The following JPH3 variants were observed in gnomAD, a reference collection of about 807,000 sequenced individuals.
JPH3 encodes junctophilin-3.
A neutral mutation model predicts 59.6 loss-of-function variants in JPH3; 11 were observed. That is an observed-to-expected ratio of 0.18 (90% CI 0.12 to 0.31). The LOEUF (loss-of-function observed/expected upper bound fraction) is 0.31, where lower values mean the gene tolerates loss of function less well. Among genes scored for constraint, JPH3 ranks in the 10% least tolerant of loss-of-function variants. JPH3 has a pLI of 1.00. For missense variants in JPH3, 1,202 were observed against 1,105.7 expected (o/e 1.09, Z -1.24); for synonymous variants, 673 against 483.6 (o/e 1.39, Z -5.14).
chr16:87,618,017 G>T (rs1359716136), intron 1 of JPH3, among the ~76,000 whole-genome samples: 1 of 152,016 alleles, frequency 6.6e-6, no homozygotes, highest in African/African-American at 2.4e-5. Flanking sequence ...ACAAAAATTA[G>T]CTGGGGCATG....
chr16:87,681,716 C>T (rs566500272), intron 2 of JPH3, among the ~76,000 whole-genome samples: 4 of 152,214 alleles, frequency 2.6e-5, no homozygotes, highest in African/African-American at 9.6e-5. Context: ...TCCGGAAGGT[C>T]AAGTGCATGT....
chr16:87,658,642 G>A (rs374510698), intron 2 of JPH3, among the ~76,000 whole-genome samples: 4 of 152,124 alleles, frequency 2.6e-5, no homozygotes, highest in Non-Finnish European at 5.9e-5. Flanking sequence ...CCCCAGAGGC[G>A]TCCAGGTGAC....
At chr16:87,646,776 GATTGGTTCATGAGTTC>G (rs1334108257) in intron 2 of JPH3, among the ~76,000 whole-genome samples, 1 of 152,174 alleles carries the variant, frequency 6.6e-6, no homozygotes, top group Non-Finnish European at 1.5e-5. Flanking sequence ...GTGACCTGCA[GATTGGTTCATGAGTTC>G]ATTGGTTCAT....
chr16:87,656,818 G>A (rs1466021296), intron 2 of JPH3, among the ~76,000 whole-genome samples: 1 of 152,176 alleles, frequency 6.6e-6, no homozygotes, highest in Non-Finnish European at 1.5e-5. Context: ...TGGCAGAAAT[G>A]CATTTTCTCC....
intron 2 of JPH3, among the ~76,000 whole-genome samples, chr16:87,679,184 G>A (rs553400674): frequency 2.9e-4 from 44 of 152,200 alleles, no homozygotes; most frequent in Non-Finnish European, 5.3e-4. Context: ...TTAGGAGTCC[G>A]AGAAACTGGA....
intron 1 of JPH3, among the ~76,000 whole-genome samples, chr16:87,627,716 C>G (rs760132244): frequency 2.6e-5 from 4 of 152,230 alleles, no homozygotes; most frequent in African/African-American, 7.2e-5. Context: ...AAGTCAAGGA[C>G]TTCTGTCTGG....
intron 1 of JPH3, among the ~76,000 whole-genome samples, chr16:87,639,635 G>GGCCTCCCGCCTGT (rs2031875739): frequency 7.8e-6 from 1 of 127,800 alleles, no homozygotes; most frequent in Admixed American, 7.7e-5. Flanking sequence ...CTCCCTCCTG[G>GGCCTCCCGCCTGT]CCTCCCGCCT....
chr16:87,674,881 C>G (rs1188840541), intron 2 of JPH3, among the ~76,000 whole-genome samples: 1 of 152,126 alleles, frequency 6.6e-6, no homozygotes, highest in Non-Finnish European at 1.5e-5. Context: ...CTGCCTCAGC[C>G]TCCTGAGTAG....
At position 87,611,891 on chromosome 16, in the gene JPH3, G is replaced by A. The variant is rs1453026097; in HGVS notation, c.382+8363G>A. ...CATTCGAGTCACTAAGAATGTCCCT[G>A]GGAGACGGTTAGAAATGCAGCGTGT... On this transcript the variant is annotated intron_variant, in intron 1 of 4. Coordinates refer to ENST00000284262, the MANE Select transcript of JPH3 (RefSeq NM_020655.4). The surrounding 1 kb of genome is among the most constrained non-coding windows in gnomAD (Gnocchi z 4.5). Among the ~76,000 whole-genome samples, 1 of 152,222 alleles carries A rather than the reference G, an allele frequency of 6.6e-6. No individual in the cohort carries two copies. Among genetic ancestry groups the A allele is most frequent in the Non-Finnish European group, 1.5e-5 (1 of 68,034 alleles).
Position 87,644,907 on chromosome 16 carries a change from C to T in JPH3, c.1032C>T (p.Val344=), listed in dbSNP as rs8051490. Residue 344 remains valine (V), a synonymous_variant, in exon 2 of 5, where the codon GTC becomes GTT. Coordinates refer to ENST00000284262, the MANE Select transcript of JPH3 (RefSeq NM_020655.4). ...GCAAGTACAAGCAGAACATCCTCGT[C>T]GGCGGCAAGCGCAAGAACCTCATCC... ...EEGKYKQNIL[V]GGKRKNLIPL... 7,296 of 1,612,916 alleles carry T rather than the reference C, an allele frequency of 4.5e-3. 287 individuals carry two copies. In the African/African-American group the frequency reaches 0.084, roughly 19 times the overall value.
chr16:87,677,134 A>G lies in JPH3; in HGVS notation c.1161-7008A>G, dbSNP rs149312776. 6.0e-4 allele frequency among the ~76,000 whole-genome samples: 89 copies of G among 148,188 alleles called. 2 individuals are homozygous for G. Among genetic ancestry groups the G allele is most frequent in the South Asian group, 4.3e-3 (20 of 4,684 alleles). ...AGATCGTGCCACTGCAATCCAGCCT[A>G]GGCGACAGAGTGGGACTCCATTATA... On this transcript the variant is annotated intron_variant, in intron 2 of 4. Coordinates refer to ENST00000284262, the MANE Select transcript of JPH3 (RefSeq NM_020655.4).
chr16:87,636,190 A>C (rs2031740218), intron 1 of JPH3, among the ~76,000 whole-genome samples: 2 of 151,962 alleles, frequency 1.3e-5, no homozygotes, highest in African/African-American at 4.8e-5. Context: ...TGCCCCCCAC[A>C]GCCTTGGATC....
At chr16:87,680,025 C>G (rs966260204) in intron 2 of JPH3, among the ~76,000 whole-genome samples, 17 of 152,214 alleles carry the variant, frequency 1.1e-4, no homozygotes, top group African/African-American at 4.1e-4. Flanking sequence ...CTCTGGGCAC[C>G]CGTTGGGGAC....
In JPH3 at chr16:87,676,145, C is replaced by T. The variant is rs191426521; in HGVS notation, c.1161-7997C>T. On this transcript the variant is annotated intron_variant, in intron 2 of 4. Coordinates refer to ENST00000284262, the MANE Select transcript of JPH3 (RefSeq NM_020655.4). The stretch of plus-strand genomic sequence containing the variant: ...CTCTCAACAGGAGTGTAATTGCTGT[C>T]TTCTTAGAACGTGTGGCCATGGAAA... 3.3e-4 allele frequency among the ~76,000 whole-genome samples: 51 copies of T among 152,338 alleles called. 1 individual carries two copies. Among genetic ancestry groups the T allele is most frequent in the South Asian group, 8.3e-4 (4 of 4,830 alleles).
At position 87,611,462 on chromosome 16, in the gene JPH3, T is replaced by G; in HGVS notation, c.382+7934T>G. Among the ~76,000 whole-genome samples, 1 of 152,126 alleles carries G rather than the reference T, an allele frequency of 6.6e-6. No homozygotes were observed. The highest frequency in any genetic ancestry group is 2.4e-5 in the African/African-American group (1 of 41,408). Reference sequence around the variant, plus strand: ...GCCTCAGCTTCCCCATCTCTATGATTTAGTCATGACATTTTTTTCCTTCTC... The same window carrying G: ...GCCTCAGCTTCCCCATCTCTATGATGTAGTCATGACATTTTTTTCCTTCTC... On this transcript the variant is annotated intron_variant, in intron 1 of 4. Coordinates refer to ENST00000284262, the MANE Select transcript of JPH3 (RefSeq NM_020655.4). The surrounding 1 kb of genome is among the most constrained non-coding windows in gnomAD (Gnocchi z 4.5).
At chr16:87,665,715 GC>G (rs2032839949) in intron 2 of JPH3, among the ~76,000 whole-genome samples, 1 of 152,172 alleles carries the variant, frequency 6.6e-6, no homozygotes, top group African/African-American at 2.4e-5. Flanking sequence ...GTCTAGAACT[GC>G]CCCCTCTTCC....
At chr16:87,636,757 C>T (rs574543910) in intron 1 of JPH3, among the ~76,000 whole-genome samples, 4 of 152,354 alleles carry the variant, frequency 2.6e-5, no homozygotes, top group South Asian at 2.1e-4. Context: ...GGAAAGACTC[C>T]GGCGACCCTC....
intron 4 of JPH3, among the ~76,000 whole-genome samples, chr16:87,691,504 A>G (rs896453136): frequency 6.6e-6 from 1 of 152,034 alleles, no homozygotes; most frequent in Non-Finnish European, 1.5e-5. Context: ...TGGGCCGGGC[A>G]GGGGGGACCA....
chr16:87,617,639 G>T (rs1381015167), intron 1 of JPH3, among the ~76,000 whole-genome samples: 1 of 140,736 alleles, frequency 7.1e-6, no homozygotes, highest in Non-Finnish European at 1.6e-5. Context: ...GGGCTGTGGA[G>T]GTAGGGGGGC....
Sources: allele counts gnomAD v4.1 joint callset (sites outside exome capture counted in the v4.1 genomes callset), GRCh38; gene constraint gnomAD v4.1.1; non-coding constraint Gnocchi (gnomAD v3.1); transcripts MANE v1.5; gene names NCBI Gene and HGNC (gene_info 2026-07-23, HGNC 2026-07-21).